Variants in CSNK1G2 observed in about 807,000 individuals in gnomAD.
CSNK1G2 encodes casein kinase I isoform gamma-2.
Under a neutral mutation model 48.0 loss-of-function variants are expected in CSNK1G2, and 11 were observed. The ratio of observed to expected loss-of-function variants is 0.23; its 90% CI spans 0.14 to 0.38. The LOEUF (loss-of-function observed/expected upper bound fraction) is 0.38, where lower values mean the gene tolerates loss of function less well. Ranked by LOEUF, CSNK1G2 falls within the 10% of genes least tolerant of loss-of-function variation. The pLI is 1.00. For missense variants in CSNK1G2, 446 were observed against 595.5 expected, an observed-to-expected ratio of 0.75 and a Z score of 2.61; for synonymous variants, 337 against 254.1, an observed-to-expected ratio of 1.33 and a Z score of -3.10.
At chr19:1,966,062 G>C (rs897643260) in intron 1 of CSNK1G2, among the ~76,000 whole-genome samples, 7 of 152,244 alleles carry the variant, frequency 4.6e-5, no homozygotes, top group Admixed American at 3.9e-4. Flanking sequence ...GCCTCCCAAA[G>C]TGTCGGGGTT....
chr19:1,956,177 C>T (rs1038566780), intron 1 of CSNK1G2, among the ~76,000 whole-genome samples: 2 of 152,046 alleles, frequency 1.3e-5, no homozygotes, highest in African/African-American at 2.4e-5. Flanking sequence ...GGCCGGGGGT[C>T]GCACAAGGAG....
intron 1 of CSNK1G2, among the ~76,000 whole-genome samples, chr19:1,947,787 C>T (rs532543514): frequency 3.3e-5 from 5 of 152,338 alleles, no homozygotes; most frequent in African/African-American, 1.2e-4. Flanking sequence ...TGTGCCATCA[C>T]GCTGGTCAGG....
chr19:1,980,345 C>T lies in CSNK1G2; in HGVS notation c.*142C>T, dbSNP rs769848621. 17 of 1,036,534 alleles carry T rather than the reference C, an allele frequency of 1.6e-5. No individual in the cohort carries two copies. In the Admixed American group the frequency reaches 3.6e-4, roughly 22 times the overall value. 64.2% of individuals were successfully genotyped at this position (1,036,534 alleles called of 1,614,324 possible). A position where few individuals can be genotyped will look rare whatever the true frequency, so the allele number is the denominator to read the frequency against. ...AGAACGCAGACTGCAGGGGCCGCGC[C>T]TGGCTCAGGCGGCCCCACCCCCGGG... On this transcript the variant is annotated 3_prime_UTR_variant, in exon 12 of 12. Coordinates refer to ENST00000255641, the MANE Select transcript of CSNK1G2 (RefSeq NM_001319.7).
Position 1,980,405 on chromosome 19 carries a change from C to G in CSNK1G2, c.*202C>G. ...CACTTCCTTCATGTAAGACTTTGGC[C>G]GAAATTTCTACACCTGTGTCTAGTC... On this transcript the variant is annotated 3_prime_UTR_variant, in exon 12 of 12. Transcript: ENST00000255641. The G allele has an allele frequency of 3.1e-6, 2 of 651,274 alleles. No homozygotes were observed. Among genetic ancestry groups the G allele is most frequent in the Non-Finnish European group, 5.4e-6 (2 of 367,300 alleles). The allele number at this position is 651,274 out of a possible 1,614,324, so 40.3% of individuals were successfully genotyped here.
intron 1 of CSNK1G2, among the ~76,000 whole-genome samples, 200 bp downstream of exon 1, chr19:1,941,618 C>A (rs1271135387): frequency 1.3e-5 from 2 of 149,152 alleles, no homozygotes; most frequent in African/African-American, 2.5e-5. Flanking sequence ...AGGGCCCCAC[C>A]GCCGCAACAC....
Position 1,951,684 on chromosome 19 carries a change from T to C in CSNK1G2, c.-266+10266T>C, listed in dbSNP as rs189541587. Among the ~76,000 whole-genome samples, 2 of 95,988 alleles carry C rather than the reference T, an allele frequency of 2.1e-5. 1 individual carries two copies. Among genetic ancestry groups the C allele is most frequent in the African/African-American group, 5.8e-5 (2 of 34,356 alleles). The allele number at this position is 95,988 out of a possible 152,430, so 63.0% of individuals were successfully genotyped here. A position where few individuals can be genotyped will look rare whatever the true frequency, so the allele number is the denominator to read the frequency against. The stretch of plus-strand genomic sequence containing the variant: ...CACCCCTCCCCACCTTCCTCTTCTC[T>C]GCTGTTTTTTTTTGGAGACAGAGTC... On this transcript the variant is annotated intron_variant, in intron 1 of 11. Coordinates refer to ENST00000255641, the MANE Select transcript of CSNK1G2 (RefSeq NM_001319.7).
At position 1,951,615 on chromosome 19, in the gene CSNK1G2, G is replaced by T. The variant is rs939131450; in HGVS notation, c.-266+10197G>T. Among the ~76,000 whole-genome samples, 10 of 144,842 alleles carry T rather than the reference G, an allele frequency of 6.9e-5. 2 individuals carry two copies. Among genetic ancestry groups the T allele is most frequent in the African/African-American group, 2.7e-4 (10 of 37,578 alleles). Reference sequence around the variant, plus strand: ...GGGCCAGGATGGGGGATGCTTGGGTGCCCTCAGGATGTGCAGGCTGGGCGG... The same window carrying T: ...GGGCCAGGATGGGGGATGCTTGGGTTCCCTCAGGATGTGCAGGCTGGGCGG... On this transcript the variant is annotated intron_variant, in intron 1 of 11. Coordinates refer to ENST00000255641, the MANE Select transcript of CSNK1G2 (RefSeq NM_001319.7).
At chr19:1,944,798 G>C (rs12608688) in intron 1 of CSNK1G2, among the ~76,000 whole-genome samples, 62,630 of 152,096 alleles carry the variant, frequency 0.41, 15,647 homozygotes, top group Non-Finnish European at 0.56. Context: ...GCCCTGCAGC[G>C]GGCAGGGATT....
chr19:1,947,080 A>ATCTTAGAGGTTT (rs1446835622), intron 1 of CSNK1G2, among the ~76,000 whole-genome samples: 1 of 152,186 alleles, frequency 6.6e-6, no homozygotes, highest in Non-Finnish European at 1.5e-5. Context: ...GGCAGAGAAA[A>ATCTTAGAGGTTT]TCTTAGAGGT....
intron 1 of CSNK1G2, among the ~76,000 whole-genome samples, chr19:1,946,262 ATTCG>A (rs1299899334): frequency 3.1e-5 from 4 of 127,296 alleles, no homozygotes; most frequent in African/African-American, 8.1e-5. Flanking sequence ...ATCACTATTT[ATTCG>A]TTTATTTATT....
Position 1,978,738 on chromosome 19 carries a change from C to T in CSNK1G2, c.435C>T (p.Ile145=), listed in dbSNP as rs751831667. The change falls in exon 5 of 12, where the codon ATC becomes ATT. Residue 145 remains isoleucine, a synonymous_variant. Coordinates refer to ENST00000255641, the MANE Select transcript of CSNK1G2 (RefSeq NM_001319.7). The surrounding 1 kb of genome is among the most constrained non-coding windows in gnomAD (Gnocchi z 7.3). The stretch of plus-strand genomic sequence containing the variant: ...TCACGCTCAAGACGGTGCTGATGAT[C>T]GCCATCCAGCTGGTGCGCGGCGGGC... The part of the protein sequence containing the change: ...RTFTLKTVLM[I]AIQLITRMEY... 8 of 1,593,048 alleles carry T rather than the reference C, an allele frequency of 5.0e-6. No homozygotes were observed. The Admixed American group carries it at 5.2e-5, about 10-fold the overall frequency.
At position 1,945,623 on chromosome 19, in the gene CSNK1G2, A is replaced by C. The variant is rs1421476630; in HGVS notation, c.-266+4205A>C. Among the ~76,000 whole-genome samples, 8 of 152,242 alleles carry C rather than the reference A, an allele frequency of 5.3e-5. No homozygotes were observed. The South Asian group carries it at 1.7e-3, about 32-fold the overall frequency. On this transcript the variant is annotated intron_variant, in intron 1 of 11. Coordinates refer to ENST00000255641, the MANE Select transcript of CSNK1G2 (RefSeq NM_001319.7). The stretch of plus-strand genomic sequence containing the variant: ...GATCACCTGAGGTCAGGAGTTCAAG[A>C]CTAGTCTGGCCAACATGGCAAAACC...
At position 1,953,737 on chromosome 19, in the gene CSNK1G2, G is replaced by A. The variant is rs902994057; in HGVS notation, c.-266+12319G>A. The A allele has an allele frequency of 4.7e-5, 19 of 408,346 alleles. 1 individual carries two copies. The highest frequency in any genetic ancestry group is 2.8e-4 in the South Asian group (16 of 56,556). 25.3% of individuals were successfully genotyped at this position (408,346 alleles called of 1,614,324 possible). A position where few individuals can be genotyped will look rare whatever the true frequency, so the allele number is the denominator to read the frequency against. Reference sequence around the variant, plus strand: ...GCCGTCCCCCACATCCCCCCAACAGGGTCTGGTCCCAGCTGCCATTGTGCA... The same window carrying A: ...GCCGTCCCCCACATCCCCCCAACAGAGTCTGGTCCCAGCTGCCATTGTGCA... On this transcript the variant is annotated intron_variant, in intron 1 of 11. Transcript: ENST00000255641.
rs147280384 is a variant in CSNK1G2, at chr19:1,945,347, T to G, written c.-266+3929T>G. On this transcript the variant is annotated intron_variant, in intron 1 of 11. Coordinates refer to ENST00000255641, the MANE Select transcript of CSNK1G2 (RefSeq NM_001319.7). Reference sequence around the variant, plus strand: ...CTGTTCGGGGCACGCGTCTGAGGTGTGGGGATCATCTCCCCCTTGCTCAGA... The same window carrying G: ...CTGTTCGGGGCACGCGTCTGAGGTGGGGGGATCATCTCCCCCTTGCTCAGA... Among the ~76,000 whole-genome samples, 136 of 152,278 alleles carry G rather than the reference T, an allele frequency of 8.9e-4. 3 individuals are homozygous for G. In the East Asian group the frequency reaches 0.023, roughly 26 times the overall value.
intron 1 of CSNK1G2, among the ~76,000 whole-genome samples, chr19:1,955,547 G>A (rs2014961724): frequency 6.6e-6 from 1 of 151,942 alleles, no homozygotes; most frequent in Non-Finnish European, 1.5e-5. Context: ...GTGTGCCTGG[G>A]CGAGGCTCCG....
At chr19:1,947,530 C>T (rs2014606550) in intron 1 of CSNK1G2, among the ~76,000 whole-genome samples, 2 of 152,250 alleles carry the variant, frequency 1.3e-5, no homozygotes, top group African/African-American at 4.8e-5. Context: ...GGACAGTTCC[C>T]AGGACGGGAG....
intron 1 of CSNK1G2, among the ~76,000 whole-genome samples, chr19:1,947,299 C>T (rs919600966): frequency 6.6e-6 from 1 of 152,220 alleles, no homozygotes; most frequent in African/African-American, 2.4e-5. Context: ...GTGCTTCAGG[C>T]CCTGTTGCAG....
At chr19:1,965,906 C>G (rs1003668357) in intron 1 of CSNK1G2, among the ~76,000 whole-genome samples, 1 of 152,210 alleles carries the variant, frequency 6.6e-6, no homozygotes, top group Non-Finnish European at 1.5e-5. Flanking sequence ...AAGCGATCCT[C>G]TCACCTCAGT....
chr19:1,964,755 C>A (rs982960543), intron 1 of CSNK1G2, among the ~76,000 whole-genome samples: 1 of 148,740 alleles, frequency 6.7e-6, no homozygotes, highest in Non-Finnish European at 1.5e-5. Flanking sequence ...GAGACTGATT[C>A]TCGCTCGTCA....
Sources: allele counts gnomAD v4.1 joint callset (sites outside exome capture counted in the v4.1 genomes callset), GRCh38; gene constraint gnomAD v4.1.1; non-coding constraint Gnocchi (gnomAD v3.1); transcripts MANE v1.5; gene names NCBI Gene and HGNC (gene_info 2026-07-23, HGNC 2026-07-21).